Variants in PGM5 observed in about 807,000 individuals in gnomAD.
PGM5 encodes phosphoglucomutase 5.
PGM5 carries 23 observed loss-of-function variants against 59.2 expected under a neutral mutation model. That is an observed-to-expected ratio of 0.39 (90% CI 0.28 to 0.55). The LOEUF (loss-of-function observed/expected upper bound fraction) is 0.55, where lower values mean the gene tolerates loss of function less well. PGM5 is among the 20% of genes least tolerant of loss of function. The pLI is 0.66. For synonymous variants in PGM5, 214 were observed against 286.0 expected, an observed-to-expected ratio of 0.75 and a Z score of 2.54; for missense variants, 574 against 748.3, an observed-to-expected ratio of 0.77 and a Z score of 2.72.
rs1554675767 is a variant in PGM5 at position 68,357,125 on chromosome 9, G to T, written c.-3G>T. The T allele has an allele frequency of 2.0e-6, 3 of 1,515,790 alleles. No homozygotes were observed. The highest frequency in any genetic ancestry group is 2.6e-6 in the Non-Finnish European group (3 of 1,136,422). The allele number at this position is 1,515,790 out of a possible 1,614,324, so 93.9% of individuals were successfully genotyped here. A position where few individuals can be genotyped will look rare whatever the true frequency, so the allele number is the denominator to read the frequency against. ...GCCGCAGCAGGACCGGCCAGGAGGC[G>T]CCATGGAGGGGAGCCCCATCCCGGT... On this transcript the variant is annotated 5_prime_UTR_variant, in exon 1 of 11. Transcript: ENST00000396396.
intron 10 of PGM5, among the ~76,000 whole-genome samples, chr9:68,519,905 A>AAATG (rs1824874245): frequency 7.8e-6 from 1 of 127,870 alleles, no homozygotes; most frequent in South Asian, 2.2e-4. Context: ...TACAATAAAT[A>AAATG]AATAAATAAA....
At chr9:68,461,424 G>A (rs140765071) in intron 6 of PGM5, among the ~76,000 whole-genome samples, 18 of 152,284 alleles carry the variant, frequency 1.2e-4, no homozygotes, top group African/African-American at 4.1e-4. Flanking sequence ...TGTTGACCAC[G>A]TAGCAGTCGT....
chr9:68,522,712 A>G (rs1824917553), intron 10 of PGM5, among the ~76,000 whole-genome samples: 2 of 152,222 alleles, frequency 1.3e-5, no homozygotes, highest in African/African-American at 4.8e-5. Flanking sequence ...TTAGCTCAAG[A>G]AAGTCAAGAG....
At chr9:68,454,532 G>A (rs1823743099) in intron 6 of PGM5, among the ~76,000 whole-genome samples, 1 of 152,208 alleles carries the variant, frequency 6.6e-6, no homozygotes, top group Non-Finnish European at 1.5e-5. Context: ...GAGTTCATGA[G>A]GCCGATCACT....
At chr9:68,382,373 AG>A (rs1451258576) in intron 2 of PGM5, among the ~76,000 whole-genome samples, 1 of 151,862 alleles carries the variant, frequency 6.6e-6, no homozygotes, top group East Asian at 1.9e-4. Flanking sequence ...AAATGAATAA[AG>A]AACTAAATAT....
At chr9:68,512,165 C>A (rs782041813) in intron 10 of PGM5, among the ~76,000 whole-genome samples, 14 of 152,134 alleles carry the variant, frequency 9.2e-5, no homozygotes, top group Non-Finnish European at 1.9e-4. Flanking sequence ...AGCTCTTTTA[C>A]CAGAGAGAAA....
At chr9:68,424,965 T>A (rs1823209541) in intron 6 of PGM5, among the ~76,000 whole-genome samples, 1 of 152,160 alleles carries the variant, frequency 6.6e-6, no homozygotes, top group South Asian at 2.1e-4. Flanking sequence ...CATATAATTA[T>A]ATGATTAAAC....
chr9:68,462,899 A>G (rs556308948), intron 6 of PGM5, among the ~76,000 whole-genome samples: 24 of 152,182 alleles, frequency 1.6e-4, no homozygotes, highest in African/African-American at 5.3e-4. Context: ...CCATGAAAAT[A>G]ATGTTATTAT....
chr9:68,462,269 G>A (rs1554685463), intron 6 of PGM5, among the ~76,000 whole-genome samples: 1 of 152,120 alleles, frequency 6.6e-6, no homozygotes, highest in African/African-American at 2.4e-5. Flanking sequence ...CTCAGCATGG[G>A]CAGCTTCGTT....
chr9:68,483,826 T>C, intron 8 of PGM5, 39 bp from the exon 9 acceptor site: 1 of 1,595,580 alleles, frequency 6.3e-7, no homozygotes, highest in Non-Finnish European at 8.6e-7. Flanking sequence ...AGTTGCTGGT[T>C]CTCTGATTAG....
At chr9:68,406,656 T>G (rs1822815828) in intron 6 of PGM5, among the ~76,000 whole-genome samples, 2 of 90,614 alleles carry the variant, frequency 2.2e-5, no homozygotes. Flanking sequence ...GAGGATTAAA[T>G]TAGGTATATA....
intron 10 of PGM5, among the ~76,000 whole-genome samples, chr9:68,525,683 G>T (rs1824960625): frequency 6.6e-6 from 1 of 152,194 alleles, no homozygotes; most frequent in South Asian, 2.1e-4. Context: ...TTCTCAGAAT[G>T]TATCCCCATC....
intron 6 of PGM5, among the ~76,000 whole-genome samples, chr9:68,444,062 CTTT>C (rs71920005): frequency 4.6e-5 from 6 of 131,594 alleles, no homozygotes; most frequent in Non-Finnish European, 6.6e-5. Flanking sequence ...TTCTTTCTTT[CTTT>C]TTTTTTTTTT....
intron 9 of PGM5, among the ~76,000 whole-genome samples, chr9:68,492,799 T>A (rs1824415766): frequency 6.8e-6 from 1 of 146,542 alleles, no homozygotes; most frequent in African/African-American, 2.6e-5. Context: ...CTAGGTGGGT[T>A]TTTTTAGTGT....
chr9:68,430,185 T>C (rs1403358888), intron 6 of PGM5, among the ~76,000 whole-genome samples: 1 of 152,252 alleles, frequency 6.6e-6, no homozygotes, highest in Non-Finnish European at 1.5e-5. Flanking sequence ...GTCTCCTCTA[T>C]GGTTTTGAAA....
At chr9:68,408,634 C>T (rs1193969677) in intron 6 of PGM5, among the ~76,000 whole-genome samples, 7 of 152,302 alleles carry the variant, frequency 4.6e-5, no homozygotes, top group Admixed American at 6.5e-5. Context: ...GTGTTTTAGA[C>T]ATGAAGTCCT....
At chr9:68,416,260 T>C (rs1192807400) in intron 6 of PGM5, among the ~76,000 whole-genome samples, 9 of 152,244 alleles carry the variant, frequency 5.9e-5, no homozygotes, top group Non-Finnish European at 8.8e-5. Flanking sequence ...TAAGAAGTGA[T>C]GGATGGCTCT....
In PGM5 at chr9:68,440,466, A is replaced by G. The variant is rs554137081; in HGVS notation, c.1044-24627A>G. Among the ~76,000 whole-genome samples, 276 of 152,302 alleles carry G rather than the reference A, an allele frequency of 1.8e-3. 8 individuals are homozygous for G. In the South Asian group the frequency reaches 0.056, roughly 31 times the overall value. ...ATCTCTAAATGCTTGGAAGGTAAAC[A>G]ATATGCTTCTAAATAATCCATCAAA... On this transcript the variant is annotated intron_variant, in intron 6 of 10. Transcript: ENST00000396396.
intron 6 of PGM5, among the ~76,000 whole-genome samples, chr9:68,450,955 A>G (rs1490550124): frequency 1.3e-5 from 2 of 152,240 alleles, no homozygotes; most frequent in Non-Finnish European, 2.9e-5. Flanking sequence ...AAAACAAGAT[A>G]TGCAGAATAT....
Sources: gnomAD v4.1 joint callset for allele counts (sites outside exome capture counted in the v4.1 genomes callset) on GRCh38, gnomAD v4.1.1 for gene constraint, MANE v1.5 for transcripts, NCBI Gene and HGNC (gene_info 2026-07-23, HGNC 2026-07-21) for gene names.